Variants in PDZRN4 observed in about 807,000 individuals in gnomAD.
The protein encoded by PDZRN4 is PDZ domain-containing RING finger protein 4.
Under a neutral mutation model 99.0 loss-of-function variants are expected in PDZRN4, and 70 were observed. The observed-to-expected ratio is 0.71, with a 90% CI of 0.58 to 0.86. PDZRN4 has a LOEUF of 0.86. Among genes scored for constraint, PDZRN4 ranks in the 40% least tolerant of loss-of-function variants. The pLI is 0.00. For synonymous variants in PDZRN4, 551 were observed against 501.6 expected (o/e 1.10, Z -1.32); for missense variants, 1,474 against 1,331.2 (o/e 1.11, Z -1.67).
intron 5 of PDZRN4, among the ~76,000 whole-genome samples, chr12:41,525,570 A>G (rs1251529029): frequency 6.6e-6 from 1 of 152,208 alleles, no homozygotes; most frequent in Non-Finnish European, 1.5e-5. Flanking sequence ...CATATAAATG[A>G]TGGAATATAG....
At chr12:41,280,238 G>A (rs112425242) in intron 3 of PDZRN4, among the ~76,000 whole-genome samples, 2 of 152,054 alleles carry the variant, frequency 1.3e-5, no homozygotes, top group Non-Finnish European at 2.9e-5. Flanking sequence ...AGATTCCCTC[G>A]GGTGCCTACA....
chr12:41,555,117 G>A (rs1214084929), intron 6 of PDZRN4, among the ~76,000 whole-genome samples: 1 of 147,990 alleles, frequency 6.8e-6, no homozygotes, highest in Non-Finnish European at 1.5e-5. Context: ...TGTAGTCACA[G>A]CTACTCGGGA....
chr12:41,259,706 A>T (rs796933427), intron 3 of PDZRN4, among the ~76,000 whole-genome samples: 35 of 152,270 alleles, frequency 2.3e-4, no homozygotes, highest in African/African-American at 7.9e-4. Context: ...AAATATGAGT[A>T]TATTGGCCGG....
intron 3 of PDZRN4, among the ~76,000 whole-genome samples, chr12:41,380,144 G>A (rs920303524): frequency 1.3e-5 from 2 of 151,626 alleles, no homozygotes; most frequent in African/African-American, 2.4e-5. Context: ...TATCTTCTCC[G>A]ATGTAAATTT....
intron 3 of PDZRN4, among the ~76,000 whole-genome samples, chr12:41,208,611 C>T (rs1011036525): frequency 7.9e-5 from 12 of 151,998 alleles, no homozygotes; most frequent in African/African-American, 9.6e-5. Context: ...ATTCCTTACA[C>T]GGAAGTGGTT....
At chr12:41,291,269 A>G (rs952251856) in intron 3 of PDZRN4, among the ~76,000 whole-genome samples, 1 of 152,162 alleles carries the variant, frequency 6.6e-6, no homozygotes, top group East Asian at 1.9e-4. Context: ...GTTCTAATAA[A>G]AAGTGTTTCT....
At chr12:41,425,743 T>C (rs1025641167) in intron 3 of PDZRN4, among the ~76,000 whole-genome samples, 1 of 152,194 alleles carries the variant, frequency 6.6e-6, no homozygotes, top group Non-Finnish European at 1.5e-5. Context: ...GTGTAGTTGA[T>C]CTAATTCAGT....
chr12:41,412,837 C>T (rs957469634), intron 3 of PDZRN4, among the ~76,000 whole-genome samples: 2 of 152,028 alleles, frequency 1.3e-5, no homozygotes, highest in Non-Finnish European at 2.9e-5. Flanking sequence ...TGCCTGTAAT[C>T]CCAGCACTTT....
At chr12:41,467,270 T>C (rs192792453) in intron 3 of PDZRN4, among the ~76,000 whole-genome samples, 1 of 152,028 alleles carries the variant, frequency 6.6e-6, no homozygotes, top group African/African-American at 2.4e-5. Context: ...AGAAAAAAAT[T>C]TGTTTAATAG....
At chr12:41,479,532 G>T (rs1186938058) in intron 3 of PDZRN4, among the ~76,000 whole-genome samples, 1 of 152,182 alleles carries the variant, frequency 6.6e-6, no homozygotes, top group Non-Finnish European at 1.5e-5. Flanking sequence ...TTAAATTGAA[G>T]TAGCAGTTCT....
At chr12:41,311,782 C>T (rs976806490) in intron 3 of PDZRN4, among the ~76,000 whole-genome samples, 11 of 152,046 alleles carry the variant, frequency 7.2e-5, no homozygotes, top group African/African-American at 2.7e-4. Context: ...AAAATGTGTG[C>T]ATTTGACAGA....
intron 9 of PDZRN4, among the ~76,000 whole-genome samples, 158 bp downstream of exon 9, chr12:41,568,057 G>A (rs1939409051): frequency 6.6e-6 from 1 of 152,196 alleles, no homozygotes; most frequent in South Asian, 2.1e-4. Flanking sequence ...ATGAAGCAGA[G>A]GGAATAAATA....
At chr12:41,489,336 C>A (rs1565596319) in intron 3 of PDZRN4, among the ~76,000 whole-genome samples, 2 of 152,020 alleles carry the variant, frequency 1.3e-5, no homozygotes. Flanking sequence ...CAGAAGACAG[C>A]CTGCTACAAC....
At chr12:41,273,308 G>A (rs1374471841) in intron 3 of PDZRN4, among the ~76,000 whole-genome samples, 2 of 152,054 alleles carry the variant, frequency 1.3e-5, no homozygotes, top group African/African-American at 2.4e-5. Flanking sequence ...ATGGAAGATT[G>A]CATAAGACAG....
At chr12:41,512,339 A>C (rs1205329887) in intron 5 of PDZRN4, among the ~76,000 whole-genome samples, 1 of 152,078 alleles carries the variant, frequency 6.6e-6, no homozygotes, top group Non-Finnish European at 1.5e-5. Context: ...AGAAGTACTA[A>C]TGGAAAATAA....
rs537547469 is a variant in PDZRN4, at chr12:41,265,338, C to G, written c.843+71150C>G. Among the ~76,000 whole-genome samples, 3 of 152,198 alleles carry G rather than the reference C, an allele frequency of 2.0e-5. No homozygotes were observed. In the East Asian group the frequency reaches 5.8e-4, roughly 29 times the overall value. The stretch of plus-strand genomic sequence containing the variant: ...TATATTTCTAAGTTTGAAAATACAC[C>G]TGAACTCATGTAACCAGTTTATATA... On this transcript the variant is annotated intron_variant, in intron 3 of 9. Coordinates refer to ENST00000402685, the MANE Select transcript of PDZRN4 (RefSeq NM_001164595.2).
intron 3 of PDZRN4, among the ~76,000 whole-genome samples, chr12:41,383,433 C>A (rs1010066295): frequency 6.6e-6 from 1 of 152,064 alleles, no homozygotes; most frequent in African/African-American, 2.4e-5. Context: ...GTAAAAGCAC[C>A]AACTTAAATA....
chr12:41,191,643 T>A, intron 2 of PDZRN4, 99 bp downstream of exon 2: 1 of 577,828 alleles, frequency 1.7e-6, no homozygotes. Context: ...AGCTTTTGTT[T>A]GTGGATTTTG....
At chr12:41,296,264 A>T (rs1315348671) in intron 3 of PDZRN4, among the ~76,000 whole-genome samples, 1 of 152,206 alleles carries the variant, frequency 6.6e-6, no homozygotes, top group African/African-American at 2.4e-5. Flanking sequence ...ACATGGCTTT[A>T]CCAATGCAAT....
Sources: allele counts gnomAD v4.1 joint callset (sites outside exome capture counted in the v4.1 genomes callset), GRCh38; gene constraint gnomAD v4.1.1; transcripts MANE v1.5; gene names NCBI Gene and HGNC (gene_info 2026-07-23, HGNC 2026-07-21).